Variants in PAK1 observed in about 807,000 individuals in gnomAD.
PAK1 encodes the protein p21 (RAC1) activated kinase 1, also known as serine/threonine-protein kinase PAK 1.
In PAK1, 29 loss-of-function variants were observed where a neutral mutation model predicts 67.4. That is an observed-to-expected ratio of 0.43 (90% CI 0.32 to 0.59). The LOEUF is 0.59. PAK1 is among the 20% of genes least tolerant of loss of function. PAK1 has a pLI of 0.07. For synonymous variants in PAK1, 223 were observed against 237.4 expected (o/e 0.94, Z 0.56); for missense variants, 337 against 670.7 (o/e 0.50, Z 5.50).
intron 1 of PAK1, among the ~76,000 whole-genome samples, chr11:77,455,717 A>G (rs965526557): frequency 6.6e-6 from 1 of 152,230 alleles, no homozygotes; most frequent in Non-Finnish European, 1.5e-5. Flanking sequence ...AAGATAGCAT[A>G]TAATATTTAC....
At chr11:77,447,800 A>G (rs1956684818) in intron 1 of PAK1, among the ~76,000 whole-genome samples, 1 of 152,234 alleles carries the variant, frequency 6.6e-6, no homozygotes, top group Non-Finnish European at 1.5e-5. Context: ...TGCTGGGATT[A>G]CAGGCGTGAG....
intron 5 of PAK1, among the ~76,000 whole-genome samples, chr11:77,369,572 C>T (rs900246861): frequency 6.6e-6 from 1 of 151,304 alleles, no homozygotes; most frequent in South Asian, 2.1e-4. Flanking sequence ...CTCAGCCTCC[C>T]AAGTAGCTGG....
chr11:77,434,026 T>C (rs1383311702), intron 1 of PAK1, among the ~76,000 whole-genome samples: 1 of 151,702 alleles, frequency 6.6e-6, no homozygotes, highest in Non-Finnish European at 1.5e-5. Flanking sequence ...AGAACTCTCA[T>C]ACACTGCTGG....
the PAK1 span, among the ~76,000 whole-genome samples, chr11:77,482,235 A>G: frequency 1.3e-5 from 2 of 151,810 alleles, no homozygotes; most frequent in African/African-American, 4.8e-5. Flanking sequence ...GTAATCCGCC[A>G]GCCTCAGCTT....
At chr11:77,520,658 C>T in the PAK1 span, among the ~76,000 whole-genome samples, 2 of 152,008 alleles carry the variant, frequency 1.3e-5, no homozygotes, top group Admixed American at 6.6e-5. Context: ...ACTATGGAGA[C>T]ACAATTACCT....
chr11:77,448,859 G>C (rs1467261379), intron 1 of PAK1, among the ~76,000 whole-genome samples: 3 of 152,182 alleles, frequency 2.0e-5, no homozygotes, highest in African/African-American at 7.2e-5. Flanking sequence ...TATTTAGCTG[G>C]AGAAGAACAG....
intron 1 of PAK1, among the ~76,000 whole-genome samples, chr11:77,415,119 T>G (rs1048343622): frequency 3.3e-5 from 5 of 152,216 alleles, no homozygotes; most frequent in African/African-American, 1.2e-4. Flanking sequence ...AATAAGCATA[T>G]GAAAAGATGC....
Position 77,451,850 on chromosome 11 carries a change from C to T in PAK1, c.-22+21702G>A, listed in dbSNP as rs993430303. Among the ~76,000 whole-genome samples the T allele has an allele frequency of 1.5e-4, 21 of 142,774 alleles. 1 individual carries two copies. Among genetic ancestry groups the T allele is most frequent in the African/African-American group, 5.9e-4 (21 of 35,662 alleles). The allele number at this position is 142,774 out of a possible 152,430, so 93.7% of individuals were successfully genotyped here. On this transcript the variant is annotated intron_variant, in intron 1 of 14. Transcript: ENST00000356341. ...CTGACCTCAGGTGATCCGCCTGCCTCGGCCTCCCAAAGTGCTGGGATTACA... is the reference window on the plus strand; with the variant it reads ...CTGACCTCAGGTGATCCGCCTGCCTTGGCCTCCCAAAGTGCTGGGATTACA...
chr11:77,496,560 G>A, the PAK1 span, among the ~76,000 whole-genome samples: 3 of 152,108 alleles, frequency 2.0e-5, no homozygotes, highest in Non-Finnish European at 4.4e-5. Flanking sequence ...GGGAGGTAGA[G>A]GTTGCAGTGA....
intron 1 of PAK1, among the ~76,000 whole-genome samples, chr11:77,470,318 G>A (rs570183345): frequency 9.3e-4 from 141 of 152,242 alleles, no homozygotes; most frequent in African/African-American, 3.3e-3. Flanking sequence ...CAAATAGAAA[G>A]GCAGCTTTCT....
chr11:77,382,872 C>T lies in PAK1; in HGVS notation c.191-2878G>A, dbSNP rs140159252. On this transcript the variant is annotated intron_variant, in intron 2 of 14. Coordinates refer to ENST00000356341, the MANE Select transcript of PAK1 (RefSeq NM_002576.5). ...AATTAGCTGGGCGTGGAGACACATGCGTGTAATCCCAGCTACTCAGGAGGC... is the reference window on the plus strand; with the variant it reads ...AATTAGCTGGGCGTGGAGACACATGTGTGTAATCCCAGCTACTCAGGAGGC... 2.8e-3 allele frequency among the ~76,000 whole-genome samples: 431 copies of T among 152,226 alleles called. 3 individuals are homozygous for T. Among genetic ancestry groups the T allele is most frequent in the African/African-American group, 9.8e-3 (409 of 41,542 alleles).
intron 1 of PAK1, among the ~76,000 whole-genome samples, chr11:77,395,686 A>G (rs1223748706): frequency 6.6e-6 from 1 of 152,120 alleles, no homozygotes; most frequent in Non-Finnish European, 1.5e-5. Context: ...CTCATCCATC[A>G]AGGCCAAACC....
intron 5 of PAK1, among the ~76,000 whole-genome samples, chr11:77,360,520 A>G (rs1477188335): frequency 6.6e-6 from 1 of 152,306 alleles, no homozygotes; most frequent in East Asian, 1.9e-4. Context: ...CTAAAAACCT[A>G]ATGTGGGAAT....
chr11:77,508,799 A>G, the PAK1 span, among the ~76,000 whole-genome samples: 2 of 150,394 alleles, frequency 1.3e-5, no homozygotes, highest in Non-Finnish European at 3.0e-5. Context: ...AGCTGGGACT[A>G]CAGGCGCCCA....
chr11:77,408,204 C>G (rs568464122), intron 1 of PAK1: 1 of 152,094 alleles, frequency 6.6e-6, no homozygotes, highest in African/African-American at 2.4e-5. Flanking sequence ...ACAACTGAGG[C>G]CAGTTTCAAT....
At chr11:77,516,991 G>T in the PAK1 span, among the ~76,000 whole-genome samples, 2 of 151,858 alleles carry the variant, frequency 1.3e-5, no homozygotes, top group East Asian at 3.8e-4. Context: ...TGGTGACAGA[G>T]TGAGACCCTG....
At chr11:77,406,635 A>C (rs1038099439) in intron 1 of PAK1, among the ~76,000 whole-genome samples, 8 of 152,146 alleles carry the variant, frequency 5.3e-5, no homozygotes, top group African/African-American at 1.7e-4. Flanking sequence ...AAAGCTAGCC[A>C]GGTGTGGTGG....
the PAK1 span, among the ~76,000 whole-genome samples, chr11:77,481,937 A>G: frequency 6.6e-6 from 1 of 152,118 alleles, no homozygotes; most frequent in Non-Finnish European, 1.5e-5. Flanking sequence ...CCTTGTTAAT[A>G]GTGATTATTG....
chr11:77,358,775 C>T (rs1946383104), intron 6 of PAK1, 123 bp downstream of exon 6: 1 of 910,468 alleles, frequency 1.1e-6, no homozygotes. Flanking sequence ...TCAGTGATTT[C>T]ACCAGCTCCA....
Sources: allele counts gnomAD v4.1 joint callset (sites outside exome capture counted in the v4.1 genomes callset), GRCh38; gene constraint gnomAD v4.1.1; transcripts MANE v1.5; gene names NCBI Gene and HGNC (gene_info 2026-07-23, HGNC 2026-07-21).